The following CYP3A7 variants were observed in gnomAD, a reference collection of about 807,000 sequenced individuals.
CYP3A7 encodes the protein cytochrome P450 family 3 subfamily A member 7.
A neutral mutation model predicts 55.2 loss-of-function variants in CYP3A7; 45 were observed. That is an observed-to-expected ratio of 0.82 (90% confidence interval 0.64 to 1.05). CYP3A7 has a LOEUF of 1.05. Ranked by LOEUF, CYP3A7 falls within the 50% of genes least tolerant of loss-of-function variation. CYP3A7 has a pLI of 0.00. For synonymous variants in CYP3A7, 180 were observed against 207.4 expected, an observed-to-expected ratio of 0.87 and a Z score of 1.13; for missense variants, 548 against 605.3, an observed-to-expected ratio of 0.91 and a Z score of 0.99.
At chr7:99,713,632 G>A in intron 8 of CYP3A7, 97 bp from the exon 9 acceptor site, 1 of 1,535,204 alleles carries the variant, frequency 6.5e-7, no homozygotes, top group Non-Finnish European at 9.0e-7. Flanking sequence ...TGAGAATATA[G>A]CCCCTTGGAG....
intron 12 of CYP3A7, 28 bp downstream of exon 12, chr7:99,707,784 A>C: frequency 6.2e-7 from 1 of 1,612,990 alleles, no homozygotes; most frequent in African/African-American, 1.3e-5. Context: ...TGTTAATAAA[A>C]CATTATTAAT....
At chr7:99,722,822 A>G (rs1814255385) in intron 2 of CYP3A7, among the ~76,000 whole-genome samples, 1 of 152,174 alleles carries the variant, frequency 6.6e-6, no homozygotes, top group Non-Finnish European at 1.5e-5. Flanking sequence ...TTAGAAAGTT[A>G]CAGACACCAG....
At chr7:99,712,330 C>T (rs1813778381) in intron 9 of CYP3A7, among the ~76,000 whole-genome samples, 1 of 152,164 alleles carries the variant, frequency 6.6e-6, no homozygotes, top group Non-Finnish European at 1.5e-5. Flanking sequence ...ATTCTGTTAC[C>T]ATGAACCTGA....
rs1340630761 is a variant in CYP3A7, at chr7:99,709,246, C to T, written c.1042G>A (p.Asp348Asn). ...AGATACTCCAACTGTAGCACAGTAT[C>T]ATAGGTGGGTGGTGCCTGAAAAGAA... ...VLPNKAPPTY[D>N]TVLQLEYLDM... The change falls in exon 11 of 13, where the codon GAT becomes AAT. Residue 348 changes from aspartate (D) to asparagine (N), a missense_variant. Transcript: ENST00000336374. The T allele has an allele frequency of 6.2e-7, 1 of 1,613,690 alleles. No homozygotes were observed. The highest frequency in any genetic ancestry group is 1.3e-5 in the African/African-American group (1 of 74,904).
Position 99,714,595 on chromosome 7 carries a change from A to G in CYP3A7, c.758T>C (p.Val253Ala). ...RKVISFLTKSVKQIKEGRLKE... is the reference protein window; with the variant it reads ...RKVISFLTKSAKQIKEGRLKE... Reference sequence around the variant, plus strand: ...GAGGCGACCTTCTTTTATCTGTTTTACAGATTTTGTTAGAAAACTTATAAC... The same window carrying G: ...GAGGCGACCTTCTTTTATCTGTTTTGCAGATTTTGTTAGAAAACTTATAAC... Residue 253 changes from valine to alanine, a missense_variant, in exon 8 of 13, where the codon GTA becomes GCA. By Grantham distance (64) the Val-to-Ala change is moderately conservative (BLOSUM62 0). Coordinates refer to ENST00000336374, the MANE Select transcript of CYP3A7 (RefSeq NM_000765.5). 6.2e-7 allele frequency: 1 copy of G among 1,613,350 alleles called. No homozygotes were observed. Among genetic ancestry groups the G allele is most frequent in the East Asian group, 2.2e-5 (1 of 44,812 alleles).
rs187250490 is a variant in CYP3A7 at position 99,729,171 on chromosome 7, C to T, written c.165+1888G>A. ...TCTTAGTCCTCTGGTACCTGTTTTT[C>T]TCCTTCTGTTATTCGGGACTTGTGT... On this transcript the variant is annotated intron_variant, in intron 2 of 12. Transcript: ENST00000336374. 2.6e-3 allele frequency among the ~76,000 whole-genome samples: 394 copies of T among 152,212 alleles called. 3 individuals carry two copies. The highest frequency in any genetic ancestry group is 0.014 in the Middle Eastern group (4 of 294).
chr7:99,705,922 A>G (rs1813504856), intron 12 of CYP3A7, among the ~76,000 whole-genome samples: 1 of 152,252 alleles, frequency 6.6e-6, no homozygotes, highest in Admixed American at 6.5e-5. Flanking sequence ...AATTTAAACC[A>G]GATTATTAGG....
At chr7:99,718,754 A>G (rs1814070097) in intron 4 of CYP3A7, among the ~76,000 whole-genome samples, 1 of 152,236 alleles carries the variant, frequency 6.6e-6, no homozygotes, top group South Asian at 2.1e-4. Flanking sequence ...AATGTATAAA[A>G]TCTCAAGAAT....
At chr7:99,723,036 A>AC (rs371419288) in intron 2 of CYP3A7, among the ~76,000 whole-genome samples, 22 of 151,036 alleles carry the variant, frequency 1.5e-4, no homozygotes, top group African/African-American at 5.3e-4. Flanking sequence ...TTAAAAAAAA[A>AC]CCTTCCTGTT....
At chr7:99,721,703 A>G (rs1814204079) in intron 3 of CYP3A7, among the ~76,000 whole-genome samples, 2 of 152,278 alleles carry the variant, frequency 1.3e-5, no homozygotes, top group South Asian at 4.1e-4. Flanking sequence ...TTGTTTTACA[A>G]TAGCGAGTGT....
At chr7:99,718,121 G>A in intron 4 of CYP3A7, among the ~76,000 whole-genome samples, 1 of 152,088 alleles carries the variant, frequency 6.6e-6, no homozygotes, top group Non-Finnish European at 1.5e-5. Context: ...GGGGCCTGTT[G>A]TGGGGTGGGG....
intron 1 of CYP3A7, among the ~76,000 whole-genome samples, chr7:99,731,801 T>C (rs970048141): frequency 5.3e-5 from 8 of 152,150 alleles, no homozygotes; most frequent in Admixed American, 3.3e-4. Flanking sequence ...CAGGCTTCCA[T>C]TGGCCTCGTA....
intron 2 of CYP3A7, among the ~76,000 whole-genome samples, chr7:99,729,119 T>G (rs1169750317): frequency 2.0e-5 from 3 of 152,218 alleles, no homozygotes; most frequent in Non-Finnish European, 4.4e-5. Context: ...GGACACTTTC[T>G]AACTGGGTGT....
At chr7:99,732,893 G>C (rs1169292596) in intron 1 of CYP3A7, among the ~76,000 whole-genome samples, 1 of 152,194 alleles carries the variant, frequency 6.6e-6, no homozygotes. Flanking sequence ...ACCATAAAAT[G>C]TTCCAGATAG....
At chr7:99,721,454 C>T (rs1814194278) in intron 3 of CYP3A7, among the ~76,000 whole-genome samples, 1 of 152,096 alleles carries the variant, frequency 6.6e-6, no homozygotes, top group Non-Finnish European at 1.5e-5. Flanking sequence ...GAGATGATGC[C>T]ATGCATTTAT....
intron 2 of CYP3A7, among the ~76,000 whole-genome samples, chr7:99,727,232 CT>C (rs1407497457): frequency 6.6e-6 from 1 of 152,204 alleles, no homozygotes. Flanking sequence ...GCTCTGTAGC[CT>C]TTTTGTCCAA....
chr7:99,718,136 G>T (rs548892374), intron 4 of CYP3A7, among the ~76,000 whole-genome samples: 1 of 152,080 alleles, frequency 6.6e-6, no homozygotes, highest in South Asian at 2.1e-4. Context: ...GTGGGGAGAG[G>T]GGGGAAGGAT....
chr7:99,710,603 C>G (rs757916691), intron 10 of CYP3A7, 129 bp downstream of exon 10: 4 of 1,506,540 alleles, frequency 2.7e-6, no homozygotes, highest in East Asian at 2.4e-5. Context: ...ATTTTGAGAG[C>G]CTTCCTACAT....
chr7:99,717,378 A>G, intron 5 of CYP3A7, 113 bp from the exon 6 acceptor site: 2 of 1,596,948 alleles, frequency 1.3e-6, no homozygotes, highest in Non-Finnish European at 1.7e-6. Flanking sequence ...GAATTTTATG[A>G]TGTGTTTTCT....
Sources: gnomAD v4.1 joint callset for allele counts (sites outside exome capture counted in the v4.1 genomes callset) on GRCh38, gnomAD v4.1.1 for gene constraint, MANE v1.5 for transcripts, NCBI Gene and HGNC (gene_info 2026-07-23, HGNC 2026-07-21) for gene names.